Variants in PAX2 observed in about 807,000 individuals in gnomAD.
PAX2 encodes paired box 2.
PAX2 carries 9 observed loss-of-function variants against 41.7 expected under a neutral mutation model. The observed-to-expected ratio is 0.22, with a 90% CI of 0.13 to 0.38. The LOEUF (loss-of-function observed/expected upper bound fraction) is 0.38. Ranked by LOEUF, PAX2 falls within the 10% of genes least tolerant of loss-of-function variation. The probability of loss-of-function intolerance (pLI) is 1.00; values close to 1 mark genes in which losing one functional copy is unlikely to be tolerated. For synonymous variants in PAX2, 221 were observed against 212.7 expected (o/e 1.04, Z -0.34); for missense variants, 418 against 531.6 (o/e 0.79, Z 2.10).
At chr10:100,822,322 A>C (rs1416188068) in intron 7 of PAX2, among the ~76,000 whole-genome samples, 1 of 152,210 alleles carries the variant, frequency 6.6e-6, no homozygotes, top group African/African-American at 2.4e-5. Flanking sequence ...TATTGTTTAA[A>C]TTGTTTTTTA....
intron 3 of PAX2, among the ~76,000 whole-genome samples, chr10:100,773,270 G>A (rs1846274303): frequency 6.6e-6 from 1 of 152,156 alleles, no homozygotes; most frequent in African/African-American, 2.4e-5. Context: ...TCAGTAGACA[G>A]TTTTTTGTTT....
At chr10:100,779,435 G>C in intron 3 of PAX2, 63 bp from the exon 4 acceptor site, 1 of 1,366,718 alleles carries the variant, frequency 7.3e-7, no homozygotes, top group Non-Finnish European at 1.0e-6. Context: ...GCAGGGCTGG[G>C]CTGGAATTGG....
intron 5 of PAX2, among the ~76,000 whole-genome samples, chr10:100,803,646 G>T (rs190691196): frequency 5.3e-4 from 80 of 152,106 alleles, no homozygotes; most frequent in African/African-American, 1.8e-3. Context: ...AGGAGTTCCC[G>T]CAAGCCTCCT....
At chr10:100,745,532 G>T (rs919457914), upstream of PAX2, among the ~76,000 whole-genome samples, 5 of 151,802 alleles carry the variant, frequency 3.3e-5, no homozygotes, top group African/African-American at 1.2e-4. Context: ...AGGAGGTCTG[G>T]AGGGGGCTTT....
intron 1 of PAX2, chr10:100,749,238 T>C (rs1194276974): frequency 7.1e-6 from 7 of 990,338 alleles, no homozygotes; most frequent in Non-Finnish European, 8.4e-6. Flanking sequence ...ACTTATCCCC[T>C]GTCTGTGCTA....
At chr10:100,801,509 A>G (rs1387292383) in intron 5 of PAX2, among the ~76,000 whole-genome samples, 3 of 152,242 alleles carry the variant, frequency 2.0e-5, no homozygotes, top group Non-Finnish European at 2.9e-5. Context: ...TGCTCATGCC[A>G]CAGTGGACAG....
chr10:100,738,669 A>T (rs1186525220), intron 1 of PAX2, among the ~76,000 whole-genome samples: 6 of 152,000 alleles, frequency 3.9e-5, no homozygotes, highest in African/African-American at 1.5e-4. Context: ...GCCCGTCTAG[A>T]CCTAGCGGAG....
chr10:100,749,686 G>C (rs1349632942), intron 1 of PAX2, 60 bp from the exon 2 acceptor site: 2 of 1,569,756 alleles, frequency 1.3e-6, no homozygotes, highest in South Asian at 2.4e-5. Context: ...CGCGGACCCT[G>C]ACTAATGGCC....
chr10:100,773,293 T>C (rs1043199607), intron 3 of PAX2, among the ~76,000 whole-genome samples: 2 of 152,194 alleles, frequency 1.3e-5, no homozygotes, highest in African/African-American at 4.8e-5. Context: ...GTTTTTAAAC[T>C]GGAGCCTCTC....
chr10:100,754,749 A>C (rs1845571264), intron 3 of PAX2, among the ~76,000 whole-genome samples: 1 of 152,234 alleles, frequency 6.6e-6, no homozygotes, highest in South Asian at 2.1e-4. Context: ...GTTCCGGGCT[A>C]GGGTCTGTTT....
In PAX2 at chr10:100,784,316, G is replaced by A. The variant is rs544114400; in HGVS notation, c.616+2951G>A. Among the ~76,000 whole-genome samples, 4 of 152,354 alleles carry A rather than the reference G, an allele frequency of 2.6e-5. No homozygotes were observed. The South Asian group carries it at 8.3e-4, about 32-fold the overall frequency. On this transcript the variant is annotated intron_variant, in intron 5 of 9. Transcript: ENST00000355243. ...GTCCTTCAGTGACTGGGCCGGGACT[G>A]CAGCAAAAGAGAATACTGACCAGGG...
At chr10:100,762,826 C>G (rs943117120) in intron 3 of PAX2, among the ~76,000 whole-genome samples, 4 of 152,198 alleles carry the variant, frequency 2.6e-5, no homozygotes, top group African/African-American at 7.2e-5. Flanking sequence ...AGATGCTAAA[C>G]ACACAGGCAT....
chr10:100,748,058 C>G lies in PAX2; in HGVS notation c.44-1688C>G. On this transcript the variant is annotated intron_variant, in intron 1 of 9. Coordinates refer to ENST00000355243, the MANE Select transcript of PAX2 (RefSeq NM_000278.5). This position sits in a 1 kb window ranked among gnomAD's most constrained non-coding sequence, Gnocchi z 5.0. ...CGCAGCCCGAGTCGGTGCTGGCGGC[C>G]GTGGCGCATTCCAGGCCCGACTCAG... 1 of 984,948 alleles carries G rather than the reference C, an allele frequency of 1.0e-6. No homozygotes were observed. Among genetic ancestry groups the G allele is most frequent in the Non-Finnish European group, 1.2e-6 (1 of 829,848 alleles). 61.0% of individuals were successfully genotyped at this position (984,948 alleles called of 1,614,324 possible).
At chr10:100,747,385 G>GA (rs926232513) in intron 1 of PAX2, 2 of 151,574 alleles carry the variant, frequency 1.3e-5, no homozygotes, top group East Asian at 1.9e-4. Context: ...GGAGAAGGGA[G>GA]AAAAAAATAG....
Position 100,750,002 on chromosome 10 carries a change from C to G in PAX2, c.212+88C>G. 2.1e-6 allele frequency: 3 copies of G among 1,462,674 alleles called. No individual in the cohort carries two copies. In the Admixed American group the frequency reaches 5.8e-5, roughly 28 times the overall value. 90.6% of individuals were successfully genotyped at this position (1,462,674 alleles called of 1,614,324 possible). A position where few individuals can be genotyped will look rare whatever the true frequency, so the allele number is the denominator to read the frequency against. On this transcript the variant is annotated intron_variant, in intron 2 of 9. Transcript: ENST00000355243. The surrounding 1 kb of genome is among the most constrained non-coding windows in gnomAD (Gnocchi z 4.1). ...CCAGCTGGAGGACGTGGCTAAAAGT[C>G]CAGCGTGCCAAGCCAGAGAGGGAGA...
chr10:100,808,348 G>A (rs1488481264), intron 6 of PAX2, among the ~76,000 whole-genome samples: 1 of 152,140 alleles, frequency 6.6e-6, no homozygotes, highest in East Asian at 1.9e-4. Context: ...AGGGGGGCCA[G>A]GAAGCGGAAG....
At chr10:100,823,869 C>T (rs1848451689) in intron 7 of PAX2, among the ~76,000 whole-genome samples, 2 of 152,162 alleles carry the variant, frequency 1.3e-5, no homozygotes, top group South Asian at 4.1e-4. Context: ...TCTTGACTCG[C>T]TTTGTCTCCC....
intron 5 of PAX2, among the ~76,000 whole-genome samples, chr10:100,800,553 G>A (rs1004138261): frequency 6.6e-6 from 1 of 152,104 alleles, no homozygotes; most frequent in Admixed American, 6.5e-5. Flanking sequence ...GGGATTACAG[G>A]CATGAGCCAC....
At chr10:100,754,622 T>C (rs1845565270) in intron 3 of PAX2, among the ~76,000 whole-genome samples, 1 of 152,248 alleles carries the variant, frequency 6.6e-6, no homozygotes, top group Admixed American at 6.5e-5. Flanking sequence ...CATTCTCAGG[T>C]CATTGTTCCC....
Sources: gnomAD v4.1 joint callset for allele counts (sites outside exome capture counted in the v4.1 genomes callset) on GRCh38, gnomAD v4.1.1 for gene constraint, Gnocchi (gnomAD v3.1) non-coding constraint, MANE v1.5 for transcripts, NCBI Gene and HGNC (gene_info 2026-07-23, HGNC 2026-07-21) for gene names.